SIGLEC7: variants seen among roughly 807,000 people sequenced by gnomAD.
SIGLEC7 encodes the protein sialic acid binding Ig like lectin 7.
Under a neutral mutation model 40.8 loss-of-function variants are expected in SIGLEC7, and 33 were observed. That is an observed-to-expected ratio of 0.81 (90% CI 0.61 to 1.08). The LOEUF is 1.08. Ranked by LOEUF, SIGLEC7 falls within the 50% of genes least tolerant of loss-of-function variation. SIGLEC7 has a pLI of 0.00. For missense variants in SIGLEC7, 513 were observed against 576.1 expected (o/e 0.89, Z 1.12); for synonymous variants, 242 against 237.6 (o/e 1.02, Z -0.17).
chr19:51,152,888 T>A lies in SIGLEC7; in HGVS notation c.1222-175T>A, dbSNP rs552658010. On this transcript the variant is annotated intron_variant, in intron 6 of 6. Coordinates refer to ENST00000317643, the MANE Select transcript of SIGLEC7 (RefSeq NM_014385.4). ...AAGTGTTAAATATTGCAGGAAAGTA[T>A]AAATGAAGGAGATTTCTATAAAATG... 8.4e-6 allele frequency: 4 copies of A among 474,572 alleles called. No individual in the cohort carries two copies. The Admixed American group carries it at 1.3e-4, about 15-fold the overall frequency. The allele number at this position is 474,572 out of a possible 1,614,324, so 29.4% of individuals were successfully genotyped here.
chr19:51,143,856 T>C, intron 1 of SIGLEC7: 1 of 442,654 alleles, frequency 2.3e-6, no homozygotes. Flanking sequence ...AGATACAGGC[T>C]GGAGGTGCTG....
At chr19:51,151,504 A>C (rs1408741905) in intron 6 of SIGLEC7, among the ~76,000 whole-genome samples, 1 of 152,218 alleles carries the variant, frequency 6.6e-6, no homozygotes, top group Non-Finnish European at 1.5e-5. Context: ...TGATGGCATG[A>C]AGCCAACACA....
In SIGLEC7 at chr19:51,142,576, G is replaced by A; in HGVS notation, c.207G>A (p.Gly69=). 1 of 1,614,136 alleles carries A rather than the reference G, an allele frequency of 6.2e-7. No homozygotes were observed. The highest frequency in any genetic ancestry group is 8.5e-7 in the Non-Finnish European group (1 of 1,180,038). ...DPVHGYWFRA[G]NDISWKAPVA... is the part of the protein sequence containing the mutation. ...TTCATGGCTACTGGTTCCGGGCAGGGAATGATATAAGCTGGAAGGCTCCAG... is the reference window on the plus strand; with the variant it reads ...TTCATGGCTACTGGTTCCGGGCAGGAAATGATATAAGCTGGAAGGCTCCAG... The change falls in exon 1 of 7, where the codon GGG becomes GGA. Residue 69 remains glycine, a synonymous_variant. Transcript: ENST00000317643. The surrounding 1 kb of genome is among the most constrained non-coding windows in gnomAD (Gnocchi z 5.0).
chr19:51,145,386 G>A lies in SIGLEC7; in HGVS notation c.760+427G>A, dbSNP rs770208237. 9.2e-5 allele frequency among the ~76,000 whole-genome samples: 14 copies of A among 152,218 alleles called. No individual in the cohort carries two copies. The highest frequency in any genetic ancestry group is 1.9e-4 in the Non-Finnish European group (13 of 68,044). On this transcript the variant is annotated intron_variant, in intron 3 of 6. Coordinates refer to ENST00000317643, the MANE Select transcript of SIGLEC7 (RefSeq NM_014385.4). This position sits in a 1 kb window ranked among gnomAD's most constrained non-coding sequence, Gnocchi z 4.3. ...GAATCAACCAGGGTCTGTCCAGGCTGTCCTGAGCCTTGGTTTGTGCACCTG... is the reference window on the plus strand; with the variant it reads ...GAATCAACCAGGGTCTGTCCAGGCTATCCTGAGCCTTGGTTTGTGCACCTG...
Position 51,144,643 on chromosome 19 carries a change from C to A in SIGLEC7, c.671C>A (p.Ala224Asp), listed in dbSNP as rs987772661. 8 of 1,613,894 alleles carry A rather than the reference C, an allele frequency of 5.0e-6. No individual in the cohort carries two copies. The South Asian group carries it at 7.7e-5, about 16-fold the overall frequency. The change falls in exon 2 of 7, where the codon GCC becomes GAC. Residue 224 changes from alanine to aspartate, a missense_variant. Coordinates refer to ENST00000317643, the MANE Select transcript of SIGLEC7 (RefSeq NM_014385.4). The stretch of plus-strand genomic sequence containing the variant: ...ACCTGTCAGGTGACCTTGCCTGGGG[C>A]CGGCGTGACCACGAACAGGACCATC... ...SLTCQVTLPG[A>D]GVTTNRTIQL...
At chr19:51,151,086 G>A (rs1205464723) in intron 6 of SIGLEC7, among the ~76,000 whole-genome samples, 1 of 152,172 alleles carries the variant, frequency 6.6e-6, no homozygotes, top group Non-Finnish European at 1.5e-5. Flanking sequence ...AGAGAGCATA[G>A]GAGGTAGACA....
chr19:51,148,145 T>C (rs1189512817), intron 6 of SIGLEC7, among the ~76,000 whole-genome samples: 1 of 152,162 alleles, frequency 6.6e-6, no homozygotes, highest in Non-Finnish European at 1.5e-5. Flanking sequence ...ATGCAAAATT[T>C]AAGAAGGTGC....
At position 51,142,411 on chromosome 19, in the gene SIGLEC7, G is replaced by C. The variant is rs2092073929; in HGVS notation, c.42G>C (p.Glu14Asp). The C allele has an allele frequency of 2.4e-5, 39 of 1,614,114 alleles. No individual in the cohort carries two copies. Among genetic ancestry groups the C allele is most frequent in the Non-Finnish European group, 3.2e-5 (38 of 1,179,988 alleles). Residue 14 changes from glutamate to aspartate, a missense_variant, in exon 1 of 7, where the codon GAG (glutamate) becomes GAC (aspartate). Transcript: ENST00000317643. This position sits in a 1 kb window ranked among gnomAD's most constrained non-coding sequence, Gnocchi z 5.0. ...TGCTGCCCCTGCTCTGGGGGAGGGAGAGGGTGGAAGGACAGAAGAGTAACC... is the reference window on the plus strand; with the variant it reads ...TGCTGCCCCTGCTCTGGGGGAGGGACAGGGTGGAAGGACAGAAGAGTAACC... Reference protein sequence around the residue: ...LLLLPLLWGRERVEGQKSNRK... With the variant: ...LLLLPLLWGRDRVEGQKSNRK...
chr19:51,150,953 G>C (rs1261958170), intron 6 of SIGLEC7, among the ~76,000 whole-genome samples: 2 of 152,172 alleles, frequency 1.3e-5, no homozygotes, highest in African/African-American at 4.8e-5. Context: ...GACATGATCA[G>C]ACGAGATTGG....
intron 1 of SIGLEC7, among the ~76,000 whole-genome samples, chr19:51,143,077 G>T (rs879160072): frequency 1.3e-5 from 2 of 152,190 alleles, no homozygotes; most frequent in South Asian, 4.1e-4. Context: ...TCCTTGTTTT[G>T]GGGCCTGTCC....
At position 51,146,790 on chromosome 19, in the gene SIGLEC7, C is replaced by T. The variant is rs199757387; in HGVS notation, c.1064C>T (p.Ala355Val). ...MRPVSGVLLG[A>V]VGGAGATALV... ...CCTGTATCAGGAGTGTTGCTGGGGGCGGTCGGGGGAGCTGGAGCCACAGCC... is the reference window on the plus strand; with the variant it reads ...CCTGTATCAGGAGTGTTGCTGGGGGTGGTCGGGGGAGCTGGAGCCACAGCC... Residue 355 changes from alanine to valine, a missense_variant, in exon 5 of 7, where the codon GCG (alanine) becomes GTG (valine). Coordinates refer to ENST00000317643, the MANE Select transcript of SIGLEC7 (RefSeq NM_014385.4). 125 of 1,613,684 alleles carry T rather than the reference C, an allele frequency of 7.7e-5. No homozygotes were observed. Among genetic ancestry groups the T allele is most frequent in the Non-Finnish European group, 9.7e-5 (115 of 1,179,814 alleles).
intron 6 of SIGLEC7, among the ~76,000 whole-genome samples, chr19:51,147,624 A>C (rs1599833442): frequency 2.0e-5 from 3 of 148,732 alleles, no homozygotes; most frequent in South Asian, 2.1e-4. Flanking sequence ...CATTGCTCCC[A>C]CCCCCACCAA....
intron 1 of SIGLEC7, chr19:51,144,021 C>T: frequency 1.9e-6 from 1 of 533,322 alleles, no homozygotes; most frequent in African/African-American, 1.9e-5. Context: ...ACAAACATCC[C>T]AAATGGAAAA....
intron 6 of SIGLEC7, among the ~76,000 whole-genome samples, chr19:51,149,777 C>A (rs1431734010): frequency 3.3e-5 from 5 of 152,028 alleles, no homozygotes; most frequent in Non-Finnish European, 5.9e-5. Flanking sequence ...TTCTTTTTAT[C>A]CATGAGCATA....
intron 5 of SIGLEC7, 42 bp downstream of exon 5, chr19:51,146,892 G>C (rs2122901596): frequency 6.4e-7 from 1 of 1,568,310 alleles, no homozygotes. Context: ...TCCTGGGGGA[G>C]GGCGGACTGG....
At chr19:51,146,958 G>C in intron 5 of SIGLEC7, 108 bp downstream of exon 5, 2 of 1,158,764 alleles carry the variant, frequency 1.7e-6, no homozygotes, top group Non-Finnish European at 2.5e-6. Flanking sequence ...AGAGCTTGGG[G>C]CAAGAATGAG....
At chr19:51,146,437 A>G (rs1390703887) in intron 4 of SIGLEC7, among the ~76,000 whole-genome samples, 2 of 152,210 alleles carry the variant, frequency 1.3e-5, no homozygotes, top group African/African-American at 4.8e-5. Context: ...CACACGACTA[A>G]AAAACAAAAA....
intron 1 of SIGLEC7, chr19:51,143,785 G>C: frequency 3.4e-6 from 1 of 298,394 alleles, no homozygotes; most frequent in South Asian, 3.0e-5. Flanking sequence ...CAAATGAAGA[G>C]AGGGACAGTC....
intron 6 of SIGLEC7, among the ~76,000 whole-genome samples, chr19:51,150,677 C>T (rs972889590): frequency 2.0e-5 from 3 of 152,076 alleles, no homozygotes; most frequent in Non-Finnish European, 4.4e-5. Context: ...AGTCTTCCTC[C>T]GTATTTGGGA....
Sources: allele counts gnomAD v4.1 joint callset (sites outside exome capture counted in the v4.1 genomes callset), GRCh38; gene constraint gnomAD v4.1.1; non-coding constraint Gnocchi (gnomAD v3.1); transcripts MANE v1.5; gene names NCBI Gene and HGNC (gene_info 2026-07-23, HGNC 2026-07-21).